The following TENM2 variants were observed in gnomAD, a reference collection of about 807,000 sequenced individuals.
The protein encoded by TENM2 is teneurin transmembrane protein 2.
Under a neutral mutation model 245.2 loss-of-function variants are expected in TENM2, and 52 were observed. That is an observed-to-expected ratio of 0.21 (90% CI 0.17 to 0.27). The LOEUF is 0.27. Ranked by LOEUF, TENM2 falls within the 10% of genes least tolerant of loss-of-function variation. The pLI is 1.00. For synonymous variants in TENM2, 1,363 were observed against 1,438.9 expected (o/e 0.95, Z 1.19); for missense variants, 3,046 against 3,666.8 (o/e 0.83, Z 4.37).
At chr5:168,139,148 G>T (rs1755319496) in intron 12 of TENM2, among the ~76,000 whole-genome samples, 2 of 152,164 alleles carry the variant, frequency 1.3e-5, no homozygotes, top group South Asian at 4.1e-4. Flanking sequence ...CAATGTAATT[G>T]CATAAAAGAA....
chr5:167,427,832 G>A (rs1763958909), intron 2 of TENM2, among the ~76,000 whole-genome samples: 1 of 123,042 alleles, frequency 8.1e-6, no homozygotes, highest in Admixed American at 7.7e-5. Context: ...GGAAGGGACG[G>A]GAGGGAAGGA....
chr5:167,941,421 A>C (rs1281183738), intron 3 of TENM2, among the ~76,000 whole-genome samples: 1 of 152,216 alleles, frequency 6.6e-6, no homozygotes, highest in African/African-American at 2.4e-5. Flanking sequence ...GTGAAAAATA[A>C]GTGCACTGAT....
At chr5:168,158,829 G>GTATATATATATATATATATATATATA (rs780328417) in intron 12 of TENM2, among the ~76,000 whole-genome samples, 2 of 63,716 alleles carry the variant, frequency 3.1e-5, no homozygotes, top group Non-Finnish European at 5.9e-5. Flanking sequence ...GTGTGTGTGT[G>GTATATATATATATATATATATATATA]TATATATATA....
chr5:167,535,336 G>A (rs2127597220), intron 2 of TENM2, among the ~76,000 whole-genome samples: 1 of 152,008 alleles, frequency 6.6e-6, no homozygotes, highest in South Asian at 2.1e-4. Flanking sequence ...TAGAGACAAG[G>A]AGAAGTCTAG....
chr5:168,183,357 T>A (rs951967212), intron 13 of TENM2, among the ~76,000 whole-genome samples: 3 of 151,482 alleles, frequency 2.0e-5, no homozygotes, highest in Admixed American at 1.3e-4. Flanking sequence ...TGACTCAAAT[T>A]GTTTATATAG....
the TENM2 span, among the ~76,000 whole-genome samples, chr5:167,233,886 T>C: frequency 3.3e-5 from 5 of 152,022 alleles, no homozygotes; most frequent in Admixed American, 2.6e-4. Flanking sequence ...ATCTGAAAAT[T>C]AATAAACGAT....
At chr5:167,896,301 T>C (rs35057318) in intron 3 of TENM2, among the ~76,000 whole-genome samples, 1,741 of 152,254 alleles carry the variant, frequency 0.011, 18 homozygotes, top group South Asian at 0.018. Context: ...TGGGGAAAGC[T>C]TGAATAGCTA....
chr5:167,018,333 C>T, the TENM2 span, among the ~76,000 whole-genome samples: 1 of 151,158 alleles, frequency 6.6e-6, no homozygotes, highest in South Asian at 2.1e-4. Context: ...AACAATAAAG[C>T]TAATTATCAA....
At chr5:167,033,312 C>T in the TENM2 span, among the ~76,000 whole-genome samples, 1 of 152,188 alleles carries the variant, frequency 6.6e-6, no homozygotes, top group Admixed American at 6.5e-5. Flanking sequence ...AACTAATATA[C>T]AACATTGCTG....
intron 2 of TENM2, among the ~76,000 whole-genome samples, chr5:167,617,123 T>A (rs1045329894): frequency 7.9e-5 from 12 of 152,174 alleles, no homozygotes; most frequent in Non-Finnish European, 1.8e-4. Context: ...GGTGCCCTAG[T>A]TTTAAGAGTT....
At chr5:167,189,115 A>G in the TENM2 span, among the ~76,000 whole-genome samples, 3 of 152,192 alleles carry the variant, frequency 2.0e-5, no homozygotes, top group Non-Finnish European at 4.4e-5. Flanking sequence ...CCACAGAAAT[A>G]AAGCCACTTT....
At chr5:167,366,826 C>A (rs371487183) in intron 1 of TENM2, among the ~76,000 whole-genome samples, 1 of 152,100 alleles carries the variant, frequency 6.6e-6, no homozygotes, top group East Asian at 1.9e-4. Flanking sequence ...GAGGAAGAGT[C>A]TCATATAGTC....
the TENM2 span, among the ~76,000 whole-genome samples, chr5:167,275,151 C>G: frequency 2.6e-5 from 4 of 151,832 alleles, no homozygotes; most frequent in African/African-American, 9.7e-5. Flanking sequence ...GCTTTTGCAC[C>G]TTTCTTAAAA....
intron 5 of TENM2, among the ~76,000 whole-genome samples, chr5:168,003,782 C>CCACG (rs1203808614): frequency 1.3e-5 from 2 of 152,264 alleles, no homozygotes; most frequent in East Asian, 3.9e-4. Context: ...CAGAAAGCTA[C>CCACG]CACGATAAAG....
intron 2 of TENM2, among the ~76,000 whole-genome samples, chr5:167,441,388 C>T (rs574381943): frequency 6.6e-6 from 1 of 152,290 alleles, no homozygotes; most frequent in African/African-American, 2.4e-5. Context: ...TGGATTCCCT[C>T]AATTCTTCAT....
chr5:167,246,253 T>C, the TENM2 span, among the ~76,000 whole-genome samples: 1 of 152,216 alleles, frequency 6.6e-6, no homozygotes, highest in East Asian at 1.9e-4. Context: ...CACTGCTACC[T>C]CTATAAACCC....
At chr5:167,379,335 A>G (rs891374039) in intron 2 of TENM2, among the ~76,000 whole-genome samples, 2 of 152,150 alleles carry the variant, frequency 1.3e-5, no homozygotes, top group African/African-American at 4.8e-5. Context: ...CCAGGTACTC[A>G]CTGCTTGTTA....
At position 168,012,666 on chromosome 5, in the gene TENM2, A is replaced by T. The variant is rs1785322513; in HGVS notation, c.1186+19484A>T. ...CTGTCTCAAAAAAAAAAAAACAAAA[A>T]AAAAAACTGAAGGTGAGGGGGCAAT... On this transcript the variant is annotated intron_variant, in intron 5 of 28. Coordinates refer to ENST00000518659, the Ensembl canonical transcript of TENM2. Among the ~76,000 whole-genome samples the T allele has an allele frequency of 2.6e-5, 4 of 151,056 alleles. No individual in the cohort carries two copies. The South Asian group carries it at 8.4e-4, about 32-fold the overall frequency.
chr5:167,673,887 A>C (rs1383649698), intron 2 of TENM2, among the ~76,000 whole-genome samples: 1 of 151,826 alleles, frequency 6.6e-6, no homozygotes, highest in Non-Finnish European at 1.5e-5. Context: ...GCTACTGCAG[A>C]CTCTTTTGTG....
Sources: gnomAD v4.1 joint callset for allele counts (sites outside exome capture counted in the v4.1 genomes callset) on GRCh38, gnomAD v4.1.1 for gene constraint, MANE v1.5 for transcripts, NCBI Gene and HGNC (gene_info 2026-07-23, HGNC 2026-07-21) for gene names.